CTTN: variants seen among roughly 807,000 people sequenced by gnomAD.
CTTN encodes the protein cortactin.
In CTTN, 28 loss-of-function variants were observed where a neutral mutation model predicts 84.0. The ratio of observed to expected loss-of-function variants is 0.33; its 90% CI spans 0.25 to 0.46. The LOEUF (loss-of-function observed/expected upper bound fraction) is 0.46, where lower values mean the gene tolerates loss of function less well. CTTN is among the 20% of genes least tolerant of loss of function. The pLI, the probability that CTTN is intolerant of heterozygous loss-of-function variation, is 1.00. For missense variants in CTTN, 641 were observed against 723.8 expected (o/e 0.89, Z 1.31); for synonymous variants, 301 against 288.8 (o/e 1.04, Z -0.43).
Position 70,436,181 on chromosome 11 carries a change from G to T in CTTN, c.*1019G>T. On this transcript the variant is annotated 3_prime_UTR_variant, in exon 18 of 18. Transcript: ENST00000301843. ...ATTTCAGTAGTTTGATCAGTTGAAG[G>T]CTAGAAGTGTGAAGTGCAGATGAGT... 6.6e-7 allele frequency: 1 copy of T among 1,514,596 alleles called. No individual in the cohort carries two copies. Among genetic ancestry groups the T allele is most frequent in the Admixed American group, 2.2e-5 (1 of 46,096 alleles). 93.8% of individuals were successfully genotyped at this position (1,514,596 alleles called of 1,614,324 possible).
chr11:70,405,459 G>C (rs866100244), intron 2 of CTTN, 98 bp downstream of exon 2: 2 of 152,186 alleles, frequency 1.3e-5, no homozygotes, highest in African/African-American at 4.8e-5. Flanking sequence ...TGTTTCTGTG[G>C]ATTTACTGGG....
At chr11:70,425,891 T>A (rs2058295053) in intron 13 of CTTN, among the ~76,000 whole-genome samples, 1 of 152,216 alleles carries the variant, frequency 6.6e-6, no homozygotes, top group Non-Finnish European at 1.5e-5. Context: ...GAGTCAGATG[T>A]GGGCCCTGCC....
intron 1 of CTTN, among the ~76,000 whole-genome samples, chr11:70,400,573 G>A (rs970601896): frequency 6.6e-6 from 1 of 152,230 alleles, no homozygotes; most frequent in African/African-American, 2.4e-5. Context: ...TGGGACTGCA[G>A]GCCCAGCTAA....
chr11:70,435,521 A>G lies in CTTN; in HGVS notation c.*359A>G, dbSNP rs2058408002. ...TGTTGCCCTCGTGCCCATCAAGTGC[A>G]GTCGGGACCTCCCAGGACAAGCACG... On this transcript the variant is annotated 3_prime_UTR_variant, in exon 18 of 18. Coordinates refer to ENST00000301843, the MANE Select transcript of CTTN (RefSeq NM_005231.4). 6.4e-7 allele frequency: 1 copy of G among 1,561,816 alleles called. No individual in the cohort carries two copies. Among genetic ancestry groups the G allele is most frequent in the Non-Finnish European group, 8.6e-7 (1 of 1,161,228 alleles).
chr11:70,420,891 G>A (rs1392263511), intron 10 of CTTN, among the ~76,000 whole-genome samples: 1 of 152,132 alleles, frequency 6.6e-6, no homozygotes, highest in African/African-American at 2.4e-5. Context: ...CCGGGAGTGG[G>A]GACATGGGCC....
chr11:70,421,609 C>T (rs751114897), intron 11 of CTTN, 29 bp downstream of exon 11: 1 of 1,524,148 alleles, frequency 6.6e-7, no homozygotes. Context: ...TCCTACCCTC[C>T]CCCCGACCCT....
intron 8 of CTTN, among the ~76,000 whole-genome samples, chr11:70,417,441 A>G (rs2058177042): frequency 6.6e-6 from 1 of 151,386 alleles, no homozygotes; most frequent in African/African-American, 2.4e-5. Context: ...GTCTCAAGCA[A>G]TCCTCCCCCA....
intron 16 of CTTN, 33 bp downstream of exon 16, chr11:70,433,311 A>G (rs756893185): frequency 3.8e-6 from 6 of 1,559,426 alleles, no homozygotes; most frequent in East Asian, 2.3e-5. Context: ...CGCCCTGCCC[A>G]GGGCAGGGAG....
At position 70,405,076 on chromosome 11, in the gene CTTN, C is replaced by T. The variant is rs188332849; in HGVS notation, c.-97-189C>T. 7.0e-4 allele frequency among the ~76,000 whole-genome samples: 106 copies of T among 152,328 alleles called. 1 individual carries two copies. In the East Asian group the frequency reaches 0.014, roughly 20 times the overall value. On this transcript the variant is annotated intron_variant, in intron 1 of 17. Transcript: ENST00000301843. ...CTTTTAAAACTTATTTCTTTAGTTT[C>T]TCTCTGTTGAACTTTTTTATTAGTA... is the stretch of plus-strand genomic sequence containing the variant.
At position 70,436,449 on chromosome 11, in the gene CTTN, T is replaced by G. The variant is rs771537052; in HGVS notation, c.*1287T>G. ...CTGAGGTGCATTTTCTCATCATCCTTGCTTTACCACAATGAGCAATGAGGT... is the reference window on the plus strand; with the variant it reads ...CTGAGGTGCATTTTCTCATCATCCTGGCTTTACCACAATGAGCAATGAGGT... On this transcript the variant is annotated 3_prime_UTR_variant, in exon 18 of 18. Coordinates refer to ENST00000301843, the MANE Select transcript of CTTN (RefSeq NM_005231.4). The G allele has an allele frequency of 6.3e-7, 1 of 1,578,034 alleles. No homozygotes were observed. Among genetic ancestry groups the G allele is most frequent in the Admixed American group, 1.7e-5 (1 of 59,344 alleles).
chr11:70,413,612 C>T (rs905966642), intron 5 of CTTN, among the ~76,000 whole-genome samples: 3 of 152,088 alleles, frequency 2.0e-5, no homozygotes, highest in African/African-American at 7.2e-5. Flanking sequence ...GAACCTTGGG[C>T]TTTACCTGCT....
chr11:70,431,352 A>C lies in CTTN; in HGVS notation c.1266+72A>C, dbSNP rs370604522. On this transcript the variant is annotated intron_variant, in intron 15 of 17. Transcript: ENST00000301843. ...AGCCCAGGTCCTGTTTGTGGAGTGG[A>C]GGAAGCCCTTGCAGGCAGGCAGTGT... is the stretch of plus-strand genomic sequence containing the variant. The C allele has an allele frequency of 5.4e-4, 811 of 1,495,956 alleles. 14 individuals carry two copies. In the South Asian group the frequency reaches 8.7e-3, roughly 16 times the overall value. 92.7% of individuals were successfully genotyped at this position (1,495,956 alleles called of 1,614,324 possible). A position where few individuals can be genotyped will look rare whatever the true frequency, so the allele number is the denominator to read the frequency against.
chr11:70,426,923 A>G (rs1159543736), intron 13 of CTTN, among the ~76,000 whole-genome samples: 1 of 151,910 alleles, frequency 6.6e-6, no homozygotes, highest in African/African-American at 2.4e-5. Context: ...TTTAGTAGAG[A>G]TGAGGTCTCA....
At chr11:70,429,248 C>T (rs770480121) in intron 14 of CTTN, 49 bp downstream of exon 14, 89 of 1,576,702 alleles carry the variant, frequency 5.6e-5, no homozygotes, top group South Asian at 2.0e-4. Flanking sequence ...GGACCTGTGC[C>T]GAGGGGATTG....
At position 70,431,277 on chromosome 11, in the gene CTTN, T is replaced by C. The variant is rs1467509527; in HGVS notation, c.1263T>C (p.Tyr421=). The C allele has an allele frequency of 3.7e-6, 6 of 1,613,262 alleles. No homozygotes were observed. The African/African-American group carries it at 5.3e-5, about 14-fold the overall frequency. Residue 421 remains tyrosine (Y), a synonymous_variant, in exon 15 of 18, where the codon TAT becomes TAC. Coordinates refer to ENST00000301843, the MANE Select transcript of CTTN (RefSeq NM_005231.4). ...TEERLPSSPV[Y]EDAASFKAEL... ...AGAGGCTGCCCTCGAGCCCCGTCTA[T>C]GAGGTTGGTGTCTTTGGTGTTTGAA...
intron 15 of CTTN, 130 bp downstream of exon 15, chr11:70,431,410 C>A: frequency 1.0e-6 from 1 of 964,100 alleles, no homozygotes. Flanking sequence ...CTGCATTCCA[C>A]GCCCGGAGAG....
At chr11:70,411,560 G>A (rs1005426780) in intron 5 of CTTN, among the ~76,000 whole-genome samples, 1 of 152,240 alleles carries the variant, frequency 6.6e-6, no homozygotes, top group Non-Finnish European at 1.5e-5. Flanking sequence ...AGCGCAGAGA[G>A]ACATTTATTC....
At chr11:70,431,701 C>T (rs1162702438) in intron 15 of CTTN, among the ~76,000 whole-genome samples, 2 of 152,156 alleles carry the variant, frequency 1.3e-5, no homozygotes, top group African/African-American at 4.8e-5. Flanking sequence ...GCCTTCTATG[C>T]CTGCCCCATT....
At chr11:70,403,214 G>A (rs1425180597) in intron 1 of CTTN, among the ~76,000 whole-genome samples, 1 of 135,804 alleles carries the variant, frequency 7.4e-6, no homozygotes, top group East Asian at 2.1e-4. Flanking sequence ...TTTTGAGATG[G>A]AGTCTCACTC....
Sources: allele counts gnomAD v4.1 joint callset (sites outside exome capture counted in the v4.1 genomes callset), GRCh38; gene constraint gnomAD v4.1.1; transcripts MANE v1.5; gene names NCBI Gene and HGNC (gene_info 2026-07-23, HGNC 2026-07-21).